RORA: variants seen among roughly 807,000 people sequenced by gnomAD.
The protein encoded by RORA is nuclear receptor ROR-alpha.
RORA carries 7 observed loss-of-function variants against 69.5 expected under a neutral mutation model. The ratio of observed to expected loss-of-function variants is 0.10; its 90% CI spans 0.06 to 0.19. RORA has a LOEUF of 0.19. RORA is among the 10% of genes least tolerant of loss of function. The pLI is 1.00. For synonymous variants in RORA, 261 were observed against 240.8 expected (o/e 1.08, Z -0.78); for missense variants, 457 against 663.0 (o/e 0.69, Z 3.41).
chr15:60,551,210 G>A (rs942647075), intron 2 of RORA, among the ~76,000 whole-genome samples: 6 of 152,028 alleles, frequency 3.9e-5, no homozygotes, highest in Middle Eastern at 3.4e-3. Flanking sequence ...AGTGAGTAAC[G>A]TCCCTTCCCT....
chr15:61,144,617 T>C (rs2079328996), intron 1 of RORA, among the ~76,000 whole-genome samples: 1 of 152,212 alleles, frequency 6.6e-6, no homozygotes, highest in Non-Finnish European at 1.5e-5. Flanking sequence ...AAGTATCATC[T>C]CTCTTATCAG....
Position 60,628,838 on chromosome 15 carries a change from C to T in RORA, c.196+49819G>A, listed in dbSNP as rs192398579. 3.9e-5 allele frequency among the ~76,000 whole-genome samples: 6 copies of T among 152,228 alleles called. No homozygotes were observed. In the East Asian group the frequency reaches 1.2e-3, roughly 29 times the overall value. ...AAGTAAGGAGAACCCAGAGAATGAC[C>T]TATTGCAGCTCAAGAGATGAATTAA... is the stretch of plus-strand genomic sequence containing the variant. On this transcript the variant is annotated intron_variant, in intron 2 of 10. Transcript: ENST00000335670.
At chr15:60,503,158 A>G (rs1169476239) in intron 7 of RORA, among the ~76,000 whole-genome samples, 1 of 152,220 alleles carries the variant, frequency 6.6e-6, no homozygotes, top group African/African-American at 2.4e-5. Context: ...CAGAGTTGCT[A>G]GGAAAGCATT....
intron 1 of RORA, among the ~76,000 whole-genome samples, chr15:60,883,927 A>T (rs888618816): frequency 6.6e-6 from 1 of 152,090 alleles, no homozygotes; most frequent in Non-Finnish European, 1.5e-5. Flanking sequence ...GACGGCCAGC[A>T]CTCCTTTGTC....
At chr15:61,193,148 A>T (rs1374995817) in intron 1 of RORA, among the ~76,000 whole-genome samples, 1 of 152,222 alleles carries the variant, frequency 6.6e-6, no homozygotes, top group Non-Finnish European at 1.5e-5. Flanking sequence ...CGAACACATG[A>T]TGCCAATTCC....
chr15:60,988,863 A>G (rs993060944), intron 1 of RORA, among the ~76,000 whole-genome samples: 7 of 152,054 alleles, frequency 4.6e-5, no homozygotes, highest in African/African-American at 1.7e-4. Context: ...AGTTGAAACT[A>G]CTATGATCTC....
At chr15:61,018,977 A>G (rs748477668) in intron 1 of RORA, among the ~76,000 whole-genome samples, 5 of 152,250 alleles carry the variant, frequency 3.3e-5, no homozygotes, top group African/African-American at 4.8e-5. Context: ...TAAAGCAAAC[A>G]GAGCTTATCC....
At chr15:61,111,138 C>T (rs1484468367) in intron 1 of RORA, among the ~76,000 whole-genome samples, 7 of 152,152 alleles carry the variant, frequency 4.6e-5, no homozygotes, top group African/African-American at 1.7e-4. Flanking sequence ...GAATGGTTTG[C>T]AGGTCTCGAT....
At chr15:60,773,237 A>G (rs1595703684) in intron 1 of RORA, among the ~76,000 whole-genome samples, 2 of 152,192 alleles carry the variant, frequency 1.3e-5, no homozygotes, top group Non-Finnish European at 2.9e-5. Flanking sequence ...AAAAATCTAC[A>G]GTGAACTTTG....
intron 1 of RORA, among the ~76,000 whole-genome samples, chr15:60,720,812 A>G (rs2071283947): frequency 6.6e-6 from 1 of 152,182 alleles, no homozygotes. Flanking sequence ...GGGCGGCTGT[A>G]ATTTCCCAGA....
Position 60,642,614 on chromosome 15 carries a change from G to A in RORA, c.196+36043C>T, listed in dbSNP as rs339980. On this transcript the variant is annotated intron_variant, in intron 2 of 10. Coordinates refer to ENST00000335670, the MANE Select transcript of RORA (RefSeq NM_134261.3). ...TCAGTGAAATCTCTTCACACTGCTC[G>A]GCATAGTGGTTCACACCTGTAGTCC... Among the ~76,000 whole-genome samples, 610 of 152,232 alleles carry A rather than the reference G, an allele frequency of 4.0e-3. 2 individuals carry two copies. Among genetic ancestry groups the A allele is most frequent in the African/African-American group, 0.014 (566 of 41,522 alleles).
At chr15:60,720,644 A>T (rs2071282338) in intron 1 of RORA, among the ~76,000 whole-genome samples, 1 of 152,184 alleles carries the variant, frequency 6.6e-6, no homozygotes, top group South Asian at 2.1e-4. Flanking sequence ...GACAAGAAAC[A>T]AAGTTGCCGG....
At chr15:60,795,142 C>A (rs772436804) in intron 1 of RORA, among the ~76,000 whole-genome samples, 4 of 152,104 alleles carry the variant, frequency 2.6e-5, no homozygotes, top group Non-Finnish European at 5.9e-5. Context: ...TGTATGCCAC[C>A]TCAGGAACCG....
At chr15:61,063,350 G>T (rs2078213151) in intron 1 of RORA, among the ~76,000 whole-genome samples, 2 of 152,228 alleles carry the variant, frequency 1.3e-5, no homozygotes, top group African/African-American at 4.8e-5. Flanking sequence ...TGCCCAGTGA[G>T]AACGTGCTGG....
chr15:60,518,183 A>T (rs929439811), intron 3 of RORA, among the ~76,000 whole-genome samples: 5 of 152,208 alleles, frequency 3.3e-5, no homozygotes, highest in African/African-American at 1.2e-4. Flanking sequence ...CATTTCTTTC[A>T]AAAGTCTGAA....
At chr15:60,648,811 G>C (rs1278819180) in intron 2 of RORA, among the ~76,000 whole-genome samples, 1 of 152,132 alleles carries the variant, frequency 6.6e-6, no homozygotes, top group African/African-American at 2.4e-5. Flanking sequence ...TCTTTTTGAG[G>C]GGGGAGAGGG....
intron 1 of RORA, among the ~76,000 whole-genome samples, chr15:60,907,273 G>A (rs1176594572): frequency 2.0e-5 from 3 of 152,174 alleles, no homozygotes; most frequent in Non-Finnish European, 2.9e-5. Context: ...ATAAAGGCAA[G>A]GGGCAGTCAT....
intron 1 of RORA, among the ~76,000 whole-genome samples, chr15:61,004,850 A>G (rs1894864783): frequency 6.6e-6 from 1 of 152,258 alleles, no homozygotes; most frequent in Non-Finnish European, 1.5e-5. Context: ...AAAATGTGTT[A>G]CACTTTTTAA....
In RORA at chr15:60,537,941, T is replaced by C. The variant is rs1229289730; in HGVS notation, c.197-6090A>G. Among the ~76,000 whole-genome samples, 2 of 152,174 alleles carry C rather than the reference T, an allele frequency of 1.3e-5. No homozygotes were observed. The highest frequency in any genetic ancestry group is 2.9e-5 in the Non-Finnish European group (2 of 68,026). ...AGTTTTTGCAGAATTCTATATAGTT[T>C]TCAAAGTTTTTATCCTTGTTAGCTT... On this transcript the variant is annotated intron_variant, in intron 2 of 10. Coordinates refer to ENST00000335670, the MANE Select transcript of RORA (RefSeq NM_134261.3). The surrounding 1 kb of genome is among the most constrained non-coding windows in gnomAD (Gnocchi z 4.9).
Sources: gnomAD v4.1 joint callset for allele counts (sites outside exome capture counted in the v4.1 genomes callset) on GRCh38, gnomAD v4.1.1 for gene constraint, Gnocchi (gnomAD v3.1) non-coding constraint, MANE v1.5 for transcripts, NCBI Gene and HGNC (gene_info 2026-07-23, HGNC 2026-07-21) for gene names.